Variants in DGKH observed in about 807,000 individuals in gnomAD.
DGKH encodes the protein DAG kinase eta.
A neutral mutation model predicts 159.3 loss-of-function variants in DGKH; 90 were observed. The observed-to-expected ratio is 0.57, with a 90% CI of 0.48 to 0.67. The LOEUF is 0.67. Ranked by LOEUF, DGKH falls within the 30% of genes least tolerant of loss-of-function variation. The probability of loss-of-function intolerance (pLI) is 0.00; values close to 1 mark genes in which losing one functional copy is unlikely to be tolerated. For missense variants in DGKH, 1,181 were observed against 1,506.1 expected, an observed-to-expected ratio of 0.78 and a Z score of 3.57; for synonymous variants, 536 against 553.8, an observed-to-expected ratio of 0.97 and a Z score of 0.45.
At chr13:42,088,141 C>A (rs1954343673) in intron 1 of DGKH, among the ~76,000 whole-genome samples, 1 of 152,048 alleles carries the variant, frequency 6.6e-6, no homozygotes, top group Non-Finnish European at 1.5e-5. Context: ...AAAGAAAAAA[C>A]CATCAACCTA....
At chr13:42,147,725 G>A (rs1051897405) in intron 3 of DGKH, among the ~76,000 whole-genome samples, 2 of 152,154 alleles carry the variant, frequency 1.3e-5, no homozygotes, top group South Asian at 2.1e-4. Context: ...AATTTCTGAA[G>A]TCACTGTGAT....
intron 29 of DGKH, among the ~76,000 whole-genome samples, chr13:42,222,446 T>G (rs1371173605): frequency 6.6e-6 from 1 of 152,160 alleles, no homozygotes; most frequent in East Asian, 1.9e-4. Context: ...TGACACCACT[T>G]ATACCTAAAC....
At position 42,232,668 on chromosome 13, in the gene DGKH, A is replaced by G. The variant is rs1958328324; in HGVS notation, c.*3480A>G. ...AACAATTTAAAGACACTAATTTTAC[A>G]GTTTGCGTTCTGTAAAAGGATACTT... On this transcript the variant is annotated 3_prime_UTR_variant, in exon 30 of 30. Transcript: ENST00000337343. 1 of 152,202 alleles carries G rather than the reference A, an allele frequency of 6.6e-6. No individual in the cohort carries two copies. Among genetic ancestry groups the G allele is most frequent in the Non-Finnish European group, 1.5e-5 (1 of 68,044 alleles). 9.4% of individuals were successfully genotyped at this position (152,202 alleles called of 1,614,324 possible).
chr13:42,173,941 ATGTGTG>A (rs71298955), intron 11 of DGKH, 113 bp from the exon 12 acceptor site: 11 of 481,242 alleles, frequency 2.3e-5, no homozygotes, highest in African/African-American at 4.1e-5. Flanking sequence ...TAGTTCATGA[ATGTGTG>A]TGTGTGTGTG....
chr13:42,247,420 G>A (rs1008732782), downstream of DGKH, among the ~76,000 whole-genome samples: 5 of 151,634 alleles, frequency 3.3e-5, no homozygotes, highest in African/African-American at 9.7e-5. Flanking sequence ...TAGTAGAGAC[G>A]GGGTTTCACC....
chr13:42,249,269 G>A (rs987971524), intron 29 of DGKH, among the ~76,000 whole-genome samples: 1 of 152,106 alleles, frequency 6.6e-6, no homozygotes. Flanking sequence ...AGCTACTAGA[G>A]AGGCTAAGGT....
At position 42,241,362 on chromosome 13, in the gene DGKH, C is replaced by A. The variant is rs998598958; in HGVS notation, c.*12174C>A. The A allele has an allele frequency of 2.1e-4, 32 of 152,272 alleles. No individual in the cohort carries two copies. Among genetic ancestry groups the A allele is most frequent in the African/African-American group, 6.5e-4 (27 of 41,570 alleles). 9.4% of individuals were successfully genotyped at this position (152,272 alleles called of 1,614,324 possible). On this transcript the variant is annotated 3_prime_UTR_variant, in exon 30 of 30. Coordinates refer to ENST00000337343, the MANE Select transcript of DGKH (RefSeq NM_178009.5). ...TTTTCAGGTTACTTCAGAGAGGAGTCTCCTTCCACCCAAAAAAACTAACCA... is the reference window on the plus strand; with the variant it reads ...TTTTCAGGTTACTTCAGAGAGGAGTATCCTTCCACCCAAAAAAACTAACCA...
Position 42,237,777 on chromosome 13 carries a change from G to A in DGKH, c.*8589G>A, listed in dbSNP as rs949472357. On this transcript the variant is annotated 3_prime_UTR_variant, in exon 30 of 30. Transcript: ENST00000337343. ...AATATCTGTGCTTTCTCATCTCAGT[G>A]ATTGATGTCTGGAGAACTAGTCAGA... The A allele has an allele frequency of 3.9e-5, 6 of 152,208 alleles. No individual in the cohort carries two copies. Among genetic ancestry groups the A allele is most frequent in the Non-Finnish European group, 8.8e-5 (6 of 68,032 alleles). 9.4% of individuals were successfully genotyped at this position (152,208 alleles called of 1,614,324 possible). A position where few individuals can be genotyped will look rare whatever the true frequency, so the allele number is the denominator to read the frequency against.
Position 42,105,303 on chromosome 13 carries a change from C to T in DGKH, c.193-22160C>T, listed in dbSNP as rs543420051. Among the ~76,000 whole-genome samples the T allele has an allele frequency of 1.2e-3, 179 of 152,186 alleles. 3 individuals are homozygous for T. Among genetic ancestry groups the T allele is most frequent in the Admixed American group, 1.6e-3 (25 of 15,290 alleles). On this transcript the variant is annotated intron_variant, in intron 1 of 29. Transcript: ENST00000337343. Reference sequence around the variant, plus strand: ...AGCAAGTGCACGAGGGGGTTAAACTCGTCCTTTTACAAGGAACCCCCTCTA... The same window carrying T: ...AGCAAGTGCACGAGGGGGTTAAACTTGTCCTTTTACAAGGAACCCCCTCTA...
In DGKH at chr13:42,207,149, CCTTCCTTCCT is replaced by C. The variant is rs1566192772; in HGVS notation, c.2601+1004_2601+1013del. Among the ~76,000 whole-genome samples the C allele has an allele frequency of 4.5e-3, 325 of 72,342 alleles. 26 individuals are homozygous for C. The highest frequency in any genetic ancestry group is 8.8e-3 in the Admixed American group (42 of 4,746). 47.5% of individuals were successfully genotyped at this position (72,342 alleles called of 152,430 possible). ...TCCTTCCTTCCTTCCTTCCTTCCTT[CCTTCCTTCCT>C]TCCTTCCTTCCTTCCTTCCTTCCTT... On this transcript the variant is annotated intron_variant, in intron 21 of 29. Coordinates refer to ENST00000337343, the MANE Select transcript of DGKH (RefSeq NM_178009.5).
intron 29 of DGKH, among the ~76,000 whole-genome samples, chr13:42,224,353 A>G (rs1958063930): frequency 6.6e-6 from 1 of 151,928 alleles, no homozygotes; most frequent in South Asian, 2.1e-4. Flanking sequence ...TCTTCCCCTA[A>G]CCCATCAAGC....
chr13:42,129,667 G>A (rs774998218), intron 3 of DGKH, 35 bp downstream of exon 3: 3 of 1,574,210 alleles, frequency 1.9e-6, no homozygotes, highest in Admixed American at 1.7e-5. Context: ...CTTCTCAAAA[G>A]TTATAGAATG....
At chr13:42,115,722 CA>C in intron 1 of DGKH, among the ~76,000 whole-genome samples, 1 of 152,110 alleles carries the variant, frequency 6.6e-6, no homozygotes, top group East Asian at 1.9e-4. Context: ...CACTTATGGA[CA>C]AAAGAGTCTT....
chr13:42,194,976 A>G lies in DGKH; in HGVS notation c.2127A>G (p.Lys709=), dbSNP rs778857710. The change falls in exon 17 of 30, where the codon AAA becomes AAG. Residue 709 remains lysine (K), a synonymous_variant. Coordinates refer to ENST00000337343, the MANE Select transcript of DGKH (RefSeq NM_178009.5). ...CTGGTCCAGCTGTGGCAGCCAGCAAAGAAAACCTCCCTGTGCTCAATACCA... is the reference window on the plus strand; with the variant it reads ...CTGGTCCAGCTGTGGCAGCCAGCAAGGAAAACCTCCCTGTGCTCAATACCA... ...SVPGPAVAAS[K]ENLPVLNTRI... 2.5e-6 allele frequency: 4 copies of G among 1,614,098 alleles called. No homozygotes were observed. The highest frequency in any genetic ancestry group is 1.1e-5 in the South Asian group (1 of 91,084).
intron 3 of DGKH, among the ~76,000 whole-genome samples, chr13:42,144,100 G>A (rs750525585): frequency 6.6e-6 from 1 of 152,192 alleles, no homozygotes; most frequent in Admixed American, 6.6e-5. Context: ...GAGCTCTGAA[G>A]AGTTTTAATA....
chr13:42,206,123 T>C lies in DGKH; in HGVS notation c.2578T>C (p.Trp860Arg). The C allele has an allele frequency of 6.9e-7, 1 of 1,449,822 alleles. No homozygotes were observed. The highest frequency in any genetic ancestry group is 9.1e-7 in the Non-Finnish European group (1 of 1,093,876). 89.8% of individuals were successfully genotyped at this position (1,449,822 alleles called of 1,614,324 possible). A position where few individuals can be genotyped will look rare whatever the true frequency, so the allele number is the denominator to read the frequency against. Residue 860 changes from tryptophan to arginine, a missense_variant, in exon 21 of 30, where the codon TGG becomes CGG. This residue lies in a region of DGKH where 335 missense variants were observed against 495.2 expected (regional missense o/e 0.68). Transcript: ENST00000337343. Reference sequence around the variant, plus strand: ...CAGCTATGCTGGAGGCACTAACTTTTGGGGTGGAACTAAAGAGGATGATGT... The same window carrying C: ...CAGCTATGCTGGAGGCACTAACTTTCGGGGTGGAACTAAAGAGGATGATGT... The part of the protein sequence containing the change: ...IPSYAGGTNF[W>R]GGTKEDDIFA...
chr13:42,198,531 A>G lies in DGKH; in HGVS notation c.2221A>G (p.Met741Val). 6.2e-7 allele frequency: 1 copy of G among 1,613,884 alleles called. No individual in the cohort carries two copies. The highest frequency in any genetic ancestry group is 8.5e-7 in the Non-Finnish European group (1 of 1,179,876). Reference sequence around the variant, plus strand: ...TGCTGGGAGTTCGATTATCAACAAAATGTTACTGGCAAACATTGATCCTTT... The same window carrying G: ...TGCTGGGAGTTCGATTATCAACAAAGTGTTACTGGCAAACATTGATCCTTT... Reference protein sequence around the residue: ...SIAGSSIINKMLLANIDPFGA... With the variant: ...SIAGSSIINKVLLANIDPFGA... Residue 741 changes from methionine to valine, a missense_variant, in exon 18 of 30, where the codon ATG (methionine) becomes GTG (valine). Transcript: ENST00000337343.
At chr13:42,084,923 A>T (rs1954273568) in intron 1 of DGKH, among the ~76,000 whole-genome samples, 1 of 82,824 alleles carries the variant, frequency 1.2e-5, no homozygotes, top group South Asian at 4.4e-4. Flanking sequence ...TGTTCTTAGT[A>T]AAAAAAAAAA....
chr13:42,215,760 G>T, intron 26 of DGKH, 93 bp downstream of exon 26: 5 of 1,118,054 alleles, frequency 4.5e-6, no homozygotes, highest in Non-Finnish European at 6.4e-6. Flanking sequence ...AGATTCTAAG[G>T]CAGAAGCAGC....
Sources: allele counts gnomAD v4.1 joint callset (sites outside exome capture counted in the v4.1 genomes callset), GRCh38; gene constraint gnomAD v4.1.1; regional missense constraint gnomAD v4.1.1; transcripts MANE v1.5; gene names NCBI Gene and HGNC (gene_info 2026-07-23, HGNC 2026-07-21).